SLC25A13: variants seen among roughly 807,000 people sequenced by gnomAD.
SLC25A13 encodes solute carrier family 25 member 13.
A neutral mutation model predicts 85.5 loss-of-function variants in SLC25A13; 70 were observed. The ratio of observed to expected loss-of-function variants is 0.82; its 90% CI spans 0.68 to 1.00. The LOEUF (loss-of-function observed/expected upper bound fraction) is 1.00, where lower values mean the gene tolerates loss of function less well. SLC25A13 is among the 50% of genes least tolerant of loss of function. The pLI is 0.00. For synonymous variants in SLC25A13, 259 were observed against 288.7 expected, an observed-to-expected ratio of 0.90 and a Z score of 1.04; for missense variants, 765 against 819.8, an observed-to-expected ratio of 0.93 and a Z score of 0.82.
At chr7:96,291,252 C>T (rs1799107475) in intron 2 of SLC25A13, among the ~76,000 whole-genome samples, 4 of 152,124 alleles carry the variant, frequency 2.6e-5, no homozygotes, top group Admixed American at 1.3e-4. Context: ...ACACAACATA[C>T]CAGAATCTCT....
chr7:96,149,504 G>A (rs904928684), intron 13 of SLC25A13, among the ~76,000 whole-genome samples: 1 of 152,192 alleles, frequency 6.6e-6, no homozygotes, highest in African/African-American at 2.4e-5. Context: ...GGGATGATGA[G>A]GAGTCAAATC....
At chr7:96,175,123 A>G (rs1794168848) in intron 11 of SLC25A13, among the ~76,000 whole-genome samples, 1 of 152,162 alleles carries the variant, frequency 6.6e-6, no homozygotes, top group African/African-American at 2.4e-5. Flanking sequence ...CAGTGGAGAG[A>G]ACCAGTTCTT....
At chr7:96,208,523 T>TTTG (rs1795548804) in intron 5 of SLC25A13, among the ~76,000 whole-genome samples, 2 of 149,306 alleles carry the variant, frequency 1.3e-5, no homozygotes, top group Non-Finnish European at 1.5e-5. Flanking sequence ...TTTTTTTTTT[T>TTTG]GAGACGGAGT....
At chr7:96,133,363 G>A (rs1284400382) in intron 14 of SLC25A13, among the ~76,000 whole-genome samples, 6 of 152,178 alleles carry the variant, frequency 3.9e-5, no homozygotes, top group Non-Finnish European at 7.3e-5. Context: ...TTTTAGGCAC[G>A]TACAAACTAA....
At chr7:96,248,060 T>C (rs187826126) in intron 3 of SLC25A13, among the ~76,000 whole-genome samples, 9 of 152,096 alleles carry the variant, frequency 5.9e-5, no homozygotes, top group Non-Finnish European at 1.2e-4. Flanking sequence ...CAATGTGCTT[T>C]TTCTACAGTC....
intron 14 of SLC25A13, among the ~76,000 whole-genome samples, chr7:96,137,549 G>C (rs74775858): frequency 0.013 from 1,906 of 152,250 alleles, 34 homozygotes; most frequent in African/African-American, 0.044. Context: ...ATGGTACAGA[G>C]GAATGTTATC....
At chr7:96,194,638 G>A (rs1584438569) in intron 5 of SLC25A13, among the ~76,000 whole-genome samples, 1 of 151,962 alleles carries the variant, frequency 6.6e-6, no homozygotes, top group Non-Finnish European at 1.5e-5. Flanking sequence ...AAGTGTAAGG[G>A]AAATGACATG....
chr7:96,146,473 AT>A, intron 14 of SLC25A13, 82 bp downstream of exon 14: 1 of 1,554,882 alleles, frequency 6.4e-7, no homozygotes, highest in Non-Finnish European at 8.8e-7. Context: ...GCAAAAAAAA[AT>A]GGATTTCATG....
chr7:96,124,854 C>T (rs983619620), intron 15 of SLC25A13, among the ~76,000 whole-genome samples: 2 of 152,184 alleles, frequency 1.3e-5, no homozygotes, highest in Non-Finnish European at 1.5e-5. Context: ...TTAAACGTTA[C>T]ATGCATTTGT....
chr7:96,180,825 G>A (rs1230712506), intron 11 of SLC25A13, among the ~76,000 whole-genome samples: 1 of 152,126 alleles, frequency 6.6e-6, no homozygotes. Flanking sequence ...TCTTTAATAC[G>A]CCAGATCTAT....
intron 2 of SLC25A13, among the ~76,000 whole-genome samples, chr7:96,292,760 C>G (rs1001709451): frequency 5.9e-5 from 9 of 152,170 alleles, no homozygotes; most frequent in Non-Finnish European, 1.0e-4. Context: ...CTGCAAATCA[C>G]TGCTCAATGA....
intron 3 of SLC25A13, among the ~76,000 whole-genome samples, chr7:96,250,775 T>G: frequency 1.5e-5 from 2 of 130,590 alleles, no homozygotes; most frequent in South Asian, 2.3e-4. Flanking sequence ...AATATTACAG[T>G]GGTCCTGGGA....
At chr7:96,253,125 G>A (rs1283977979) in intron 3 of SLC25A13, among the ~76,000 whole-genome samples, 1 of 152,144 alleles carries the variant, frequency 6.6e-6, no homozygotes, top group Non-Finnish European at 1.5e-5. Flanking sequence ...GGAATTAATT[G>A]TAAGGGCCAG....
chr7:96,235,353 A>T (rs918794260), intron 3 of SLC25A13, among the ~76,000 whole-genome samples: 4 of 152,206 alleles, frequency 2.6e-5, no homozygotes, highest in African/African-American at 9.7e-5. Context: ...CACTACTGGT[A>T]TTTACTGACC....
intron 4 of SLC25A13, among the ~76,000 whole-genome samples, chr7:96,230,732 G>C (rs912071180): frequency 5.9e-5 from 9 of 152,198 alleles, no homozygotes; most frequent in Non-Finnish European, 5.9e-5. Flanking sequence ...ACGATGCTGG[G>C]TTAATTGGCT....
chr7:96,219,774 A>C (rs1247660005), intron 4 of SLC25A13: 3 of 532,540 alleles, frequency 5.6e-6, no homozygotes, highest in Admixed American at 1.9e-5. Context: ...CTCCTCTATA[A>C]TCTGACAGAT....
At chr7:96,297,927 A>C (rs1436681659) in intron 1 of SLC25A13, among the ~76,000 whole-genome samples, 1 of 152,216 alleles carries the variant, frequency 6.6e-6, no homozygotes, top group Non-Finnish European at 1.5e-5. Flanking sequence ...ACAAAGTCCA[A>C]AAACATTGCT....
chr7:96,313,182 C>T (rs1378729439), intron 1 of SLC25A13, among the ~76,000 whole-genome samples: 3 of 152,140 alleles, frequency 2.0e-5, no homozygotes, highest in African/African-American at 4.8e-5. Context: ...GCCACCCAGG[C>T]TGAGGAGTGT....
chr7:96,270,404 A>C (rs1014866325), intron 3 of SLC25A13, among the ~76,000 whole-genome samples: 2 of 152,130 alleles, frequency 1.3e-5, no homozygotes, highest in African/African-American at 4.8e-5. Context: ...AAAAATACAA[A>C]AATTAGTAGG....
Sources: allele counts gnomAD v4.1 joint callset (sites outside exome capture counted in the v4.1 genomes callset), GRCh38; gene constraint gnomAD v4.1.1; transcripts MANE v1.5; gene names NCBI Gene and HGNC (gene_info 2026-07-23, HGNC 2026-07-21).